EPB41L4A: variants seen among roughly 807,000 people sequenced by gnomAD.
The protein encoded by EPB41L4A is erythrocyte membrane protein band 4.1 like 4A, also known as band 4.1-like protein 4A.
In EPB41L4A, 100 loss-of-function variants were observed where a neutral mutation model predicts 108.6. The ratio of observed to expected loss-of-function variants is 0.92; its 90% CI spans 0.78 to 1.09. The LOEUF (loss-of-function observed/expected upper bound fraction) is 1.09. Among genes scored for constraint, EPB41L4A ranks in the 50% least tolerant of loss-of-function variants. The probability of loss-of-function intolerance (pLI) is 0.00; values close to 1 mark genes in which losing one functional copy is unlikely to be tolerated. For synonymous variants in EPB41L4A, 319 were observed against 289.0 expected (o/e 1.10, Z -1.05); for missense variants, 1,030 against 842.7 (o/e 1.22, Z -2.75).
At chr5:112,167,498 T>C (rs893323391) in intron 22 of EPB41L4A, among the ~76,000 whole-genome samples, 7 of 152,100 alleles carry the variant, frequency 4.6e-5, no homozygotes, top group African/African-American at 1.7e-4. Flanking sequence ...TTGCCTGCCG[T>C]GTAGCTCAAA....
chr5:112,199,621 C>T (rs1233150453), intron 15 of EPB41L4A, among the ~76,000 whole-genome samples: 2 of 152,220 alleles, frequency 1.3e-5, no homozygotes, highest in East Asian at 1.9e-4. Context: ...CACACTTGGA[C>T]TTCTCAGAAG....
intron 7 of EPB41L4A, among the ~76,000 whole-genome samples, chr5:112,261,099 A>C (rs1030209948): frequency 6.6e-6 from 1 of 152,238 alleles, no homozygotes; most frequent in African/African-American, 2.4e-5. Flanking sequence ...AAGGGAGGGA[A>C]GGTAAAACGA....
chr5:112,175,189 C>T (rs986043761), intron 18 of EPB41L4A: 2 of 152,212 alleles, frequency 1.3e-5, no homozygotes, highest in Admixed American at 1.3e-4. Flanking sequence ...CAGAGGGAGC[C>T]CGAACCTTCT....
At chr5:112,270,249 C>T (rs973888212) in intron 4 of EPB41L4A, among the ~76,000 whole-genome samples, 5 of 152,140 alleles carry the variant, frequency 3.3e-5, no homozygotes, top group Non-Finnish European at 1.5e-5. Flanking sequence ...GCTGAGAAAA[C>T]TGAAGGATGT....
chr5:112,280,885 T>C (rs1752925029), intron 2 of EPB41L4A, among the ~76,000 whole-genome samples: 1 of 152,186 alleles, frequency 6.6e-6, no homozygotes, highest in South Asian at 2.1e-4. Context: ...CTCTTCCTAA[T>C]ACGTCCTCAC....
At chr5:112,255,426 T>C (rs1315739229) in intron 9 of EPB41L4A, among the ~76,000 whole-genome samples, 1 of 152,198 alleles carries the variant, frequency 6.6e-6, no homozygotes, top group Admixed American at 6.5e-5. Flanking sequence ...GTACACATAC[T>C]TAACAGGGGA....
At chr5:112,357,071 C>A (rs1298189364) in intron 1 of EPB41L4A, among the ~76,000 whole-genome samples, 6 of 152,188 alleles carry the variant, frequency 3.9e-5, no homozygotes, top group Non-Finnish European at 8.8e-5. Flanking sequence ...CAAAGATAGA[C>A]TGCAGCACAA....
intron 22 of EPB41L4A, among the ~76,000 whole-genome samples, chr5:112,166,027 G>C (rs891626000): frequency 6.6e-6 from 1 of 152,200 alleles, no homozygotes; most frequent in East Asian, 1.9e-4. Context: ...TGTGAGAGGA[G>C]AATACAGCAG....
intron 1 of EPB41L4A, among the ~76,000 whole-genome samples, chr5:112,409,652 A>C (rs907486124): frequency 4.2e-4 from 64 of 152,274 alleles, no homozygotes; most frequent in African/African-American, 1.4e-3. Flanking sequence ...TTCAACATTT[A>C]TTCATTGATG....
At chr5:112,211,058 C>T (rs1580441143) in intron 12 of EPB41L4A, among the ~76,000 whole-genome samples, 1 of 152,096 alleles carries the variant, frequency 6.6e-6, no homozygotes, top group East Asian at 1.9e-4. Flanking sequence ...ACTCATGTAT[C>T]CTCAAAATAA....
downstream of EPB41L4A, among the ~76,000 whole-genome samples, chr5:112,157,891 C>T (rs1199613918): frequency 6.6e-6 from 1 of 152,194 alleles, no homozygotes; most frequent in African/African-American, 2.4e-5. Context: ...GCTTGAACAT[C>T]CTTACACAGT....
At chr5:112,260,658 G>T (rs1751432199) in intron 7 of EPB41L4A, among the ~76,000 whole-genome samples, 1 of 152,036 alleles carries the variant, frequency 6.6e-6, no homozygotes, top group Non-Finnish European at 1.5e-5. Context: ...ATCTCTTCTG[G>T]TAAAGACTAG....
chr5:112,169,824 G>GTACT (rs1760469736), intron 20 of EPB41L4A, among the ~76,000 whole-genome samples: 1 of 152,112 alleles, frequency 6.6e-6, no homozygotes, highest in Admixed American at 6.5e-5. Flanking sequence ...TCTTAACCAA[G>GTACT]TACTGGTAAG....
chr5:112,334,867 G>C (rs538303338), intron 1 of EPB41L4A, among the ~76,000 whole-genome samples: 11 of 152,208 alleles, frequency 7.2e-5, no homozygotes, highest in Middle Eastern at 3.4e-3. Context: ...GATTACAACA[G>C]TGAGTATAAG....
intron 8 of EPB41L4A, among the ~76,000 whole-genome samples, chr5:112,259,611 T>C (rs1459474214): frequency 2.6e-5 from 4 of 152,172 alleles, no homozygotes; most frequent in Non-Finnish European, 5.9e-5. Context: ...AAAGTCAGAA[T>C]AGTCCTGGAT....
chr5:112,412,851 A>G (rs918100023), intron 1 of EPB41L4A, among the ~76,000 whole-genome samples: 2 of 152,240 alleles, frequency 1.3e-5, no homozygotes, highest in African/African-American at 4.8e-5. Context: ...GCCTGCAGAC[A>G]AACACACTTT....
chr5:112,391,270 C>G (rs1411417322), intron 1 of EPB41L4A, among the ~76,000 whole-genome samples: 1 of 152,154 alleles, frequency 6.6e-6, no homozygotes. Flanking sequence ...TAATAACAAA[C>G]TTCTCCAAGC....
chr5:112,337,271 C>G (rs953313737), intron 1 of EPB41L4A, among the ~76,000 whole-genome samples: 1 of 152,114 alleles, frequency 6.6e-6, no homozygotes, highest in Non-Finnish European at 1.5e-5. Flanking sequence ...AGCCCAAACC[C>G]ATCTGTTATA....
At chr5:112,352,543 CA>C (rs1420846756) in intron 1 of EPB41L4A, among the ~76,000 whole-genome samples, 2 of 152,192 alleles carry the variant, frequency 1.3e-5, no homozygotes, top group African/African-American at 4.8e-5. Flanking sequence ...TGTGAAGCCA[CA>C]AAAGAATCAG....
Sources: allele counts gnomAD v4.1 joint callset (sites outside exome capture counted in the v4.1 genomes callset), GRCh38; gene constraint gnomAD v4.1.1; transcripts MANE v1.5; gene names NCBI Gene and HGNC (gene_info 2026-07-23, HGNC 2026-07-21).